The following FAM184B variants were observed in gnomAD, a reference collection of about 807,000 sequenced individuals.
The protein encoded by FAM184B is family with sequence similarity 184 member B, also known as protein FAM184B.
Under a neutral mutation model 135.9 loss-of-function variants are expected in FAM184B, and 111 were observed. The ratio of observed to expected loss-of-function variants is 0.82; its 90% CI spans 0.70 to 0.96. FAM184B has a LOEUF of 0.96. Ranked by LOEUF, FAM184B falls within the 40% of genes least tolerant of loss-of-function variation. The pLI, the probability that FAM184B is intolerant of heterozygous loss-of-function variation, is 0.00. For missense variants in FAM184B, 1,375 were observed against 1,323.9 expected (o/e 1.04, Z -0.60); for synonymous variants, 552 against 524.8 (o/e 1.05, Z -0.71).
chr4:17,693,591 C>T (rs542122222), intron 5 of FAM184B, among the ~76,000 whole-genome samples, 179 bp from the exon 6 acceptor site: 140 of 152,226 alleles, frequency 9.2e-4, no homozygotes, highest in Middle Eastern at 3.4e-3. Flanking sequence ...AACGTCACAA[C>T]ACAAAGCCTG....
chr4:17,755,816 C>A (rs551173224), intron 1 of FAM184B, among the ~76,000 whole-genome samples: 2 of 152,138 alleles, frequency 1.3e-5, no homozygotes, highest in South Asian at 4.1e-4. Flanking sequence ...GAACAGAAAA[C>A]CAAACACCAC....
intron 1 of FAM184B, among the ~76,000 whole-genome samples, chr4:17,710,463 A>C (rs1717240019): frequency 6.6e-6 from 1 of 152,222 alleles, no homozygotes; most frequent in Non-Finnish European, 1.5e-5. Flanking sequence ...GTCTCAATAG[A>C]CACAGAAAAA....
intron 12 of FAM184B, among the ~76,000 whole-genome samples, chr4:17,643,961 C>T (rs1222576358): frequency 6.6e-6 from 1 of 152,228 alleles, no homozygotes; most frequent in Non-Finnish European, 1.5e-5. Flanking sequence ...CTAGAGCCAG[C>T]TGAGCTGTCT....
Position 17,707,685 on chromosome 4 carries a change from T to C in FAM184B, c.994A>G (p.Met332Val). 3 of 1,551,836 alleles carry C rather than the reference T, an allele frequency of 1.9e-6. No homozygotes were observed. Among genetic ancestry groups the C allele is most frequent in the Non-Finnish European group, 2.6e-6 (3 of 1,147,032 alleles). The change falls in exon 3 of 18, where the codon ATG (methionine) becomes GTG (valine). Residue 332 changes from methionine (M) to valine (V), a missense_variant. Met to Val is a conservative substitution (Grantham distance 21). Coordinates refer to ENST00000265018, the MANE Select transcript of FAM184B (RefSeq NM_015688.2). ...GEKLAVAKDRMMLQECRGTQQ... is the reference protein window; with the variant it reads ...GEKLAVAKDRVMLQECRGTQQ... ...GTCCCACGACACTCCTGCAGCATCA[T>C]TCTGTCTTTGGCAACAGCCAGCTTC...
intron 1 of FAM184B, among the ~76,000 whole-genome samples, chr4:17,742,862 G>A (rs1485029999): frequency 6.6e-6 from 1 of 152,226 alleles, no homozygotes; most frequent in Non-Finnish European, 1.5e-5. Flanking sequence ...AAGAACCTGG[G>A]TGCCAAGAGG....
At position 17,748,211 on chromosome 4, in the gene FAM184B, G is replaced by A. The variant is rs1270558570; in HGVS notation, c.141+32948C>T. Among the ~76,000 whole-genome samples, 7 of 151,126 alleles carry A rather than the reference G, an allele frequency of 4.6e-5. No individual in the cohort carries two copies. The South Asian group carries it at 1.0e-3, about 23-fold the overall frequency. On this transcript the variant is annotated intron_variant, in intron 1 of 17. Transcript: ENST00000265018. ...AATGCTGCTCCACCGGAACCTCTCT[G>A]TGACACGGTGGGGTGTCCACTCTTG...
chr4:17,652,194 G>A (rs953774813), intron 11 of FAM184B, among the ~76,000 whole-genome samples: 49 of 132,070 alleles, frequency 3.7e-4, no homozygotes, highest in Middle Eastern at 0.012. Flanking sequence ...GCGCCATCTC[G>A]GCTCAGTACA....
intron 5 of FAM184B, among the ~76,000 whole-genome samples, chr4:17,696,951 A>T (rs1323775887): frequency 6.6e-6 from 1 of 152,102 alleles, no homozygotes; most frequent in African/African-American, 2.4e-5. Context: ...GGTCTTAAGA[A>T]CCATGTTAAG....
At chr4:17,709,691 G>GT (rs1717212610) in intron 1 of FAM184B, 47 bp from the exon 2 acceptor site, 1 of 1,438,854 alleles carries the variant, frequency 6.9e-7, no homozygotes, top group Non-Finnish European at 9.1e-7. Flanking sequence ...GGGCTGGGGT[G>GT]TGGGAGGGCT....
At chr4:17,687,460 G>A (rs1013220682) in intron 7 of FAM184B, among the ~76,000 whole-genome samples, 1 of 152,178 alleles carries the variant, frequency 6.6e-6, no homozygotes, top group Non-Finnish European at 1.5e-5. Flanking sequence ...TTCACTGAGT[G>A]CCTATCTTGT....
chr4:17,636,849 A>G (rs1715155776), intron 14 of FAM184B, among the ~76,000 whole-genome samples: 1 of 152,152 alleles, frequency 6.6e-6, no homozygotes, highest in Non-Finnish European at 1.5e-5. Context: ...CTGAGGCTGC[A>G]GGGCCAGGAA....
At chr4:17,634,914 G>C in intron 16 of FAM184B, 95 bp downstream of exon 16, 1 of 751,944 alleles carries the variant, frequency 1.3e-6, no homozygotes, top group Non-Finnish European at 2.1e-6. Context: ...ATTTTTCTGA[G>C]CGTACACCAG....
At chr4:17,719,499 G>A (rs949469069) in intron 1 of FAM184B, among the ~76,000 whole-genome samples, 1 of 152,152 alleles carries the variant, frequency 6.6e-6, no homozygotes, top group African/African-American at 2.4e-5. Context: ...AGAAAAAAAG[G>A]GACTACTGTC....
At chr4:17,660,109 A>G (rs1715878486) in intron 8 of FAM184B, 22 bp from the exon 9 acceptor site, 1 of 1,550,586 alleles carries the variant, frequency 6.4e-7, no homozygotes, top group Non-Finnish European at 8.7e-7. Flanking sequence ...AGGATGCCAC[A>G]ATCACAAAAG....
chr4:17,745,259 C>T (rs372573518), intron 1 of FAM184B, among the ~76,000 whole-genome samples: 1 of 152,138 alleles, frequency 6.6e-6, no homozygotes, highest in Non-Finnish European at 1.5e-5. Flanking sequence ...GAACATGTTG[C>T]GGTGGCCATG....
chr4:17,637,170 A>G (rs1476993443), intron 14 of FAM184B, among the ~76,000 whole-genome samples: 1 of 152,034 alleles, frequency 6.6e-6, no homozygotes, highest in African/African-American at 2.4e-5. Flanking sequence ...CTGGTACTAC[A>G]GGCGCGCGCC....
chr4:17,734,457 T>C (rs1386143951), intron 1 of FAM184B, among the ~76,000 whole-genome samples: 1 of 152,022 alleles, frequency 6.6e-6, no homozygotes, highest in Non-Finnish European at 1.5e-5. Context: ...ATATCCAGAA[T>C]CTACAATGAA....
chr4:17,673,492 A>G (rs1716226716), intron 7 of FAM184B, among the ~76,000 whole-genome samples: 1 of 152,230 alleles, frequency 6.6e-6, no homozygotes. Context: ...ACAGTTCGCA[A>G]TCACAAAAAT....
At chr4:17,659,548 G>A (rs994232767) in intron 9 of FAM184B, among the ~76,000 whole-genome samples, 2 of 151,782 alleles carry the variant, frequency 1.3e-5, no homozygotes, top group African/African-American at 2.4e-5. Context: ...GTGCAGCGGT[G>A]CGATCTCGGC....
Sources: allele counts gnomAD v4.1 joint callset (sites outside exome capture counted in the v4.1 genomes callset), GRCh38; gene constraint gnomAD v4.1.1; transcripts MANE v1.5; gene names NCBI Gene and HGNC (gene_info 2026-07-23, HGNC 2026-07-21).